MLKL: variants seen among roughly 807,000 people sequenced by gnomAD.
The protein encoded by MLKL is mixed lineage kinase domain-like protein.
In MLKL, 55 loss-of-function variants were observed where a neutral mutation model predicts 56.5. The observed-to-expected ratio is 0.97, with a 90% CI of 0.78 to 1.22. MLKL has a LOEUF of 1.22. MLKL is among the 50% of genes most tolerant of loss of function. The pLI, the probability that MLKL is intolerant of heterozygous loss-of-function variation, is 0.00. For missense variants in MLKL, 694 were observed against 573.9 expected (o/e 1.21, Z -2.14); for synonymous variants, 251 against 208.3 (o/e 1.20, Z -1.76).
intron 5 of MLKL, among the ~76,000 whole-genome samples, chr16:74,683,124 C>T (rs567963287): frequency 1.6e-4 from 25 of 152,188 alleles, no homozygotes; most frequent in African/African-American, 4.1e-4. Flanking sequence ...GCCTGGCCTA[C>T]GTGGTGAAAC....
chr16:74,697,811 T>C (rs1160484490), intron 1 of MLKL, among the ~76,000 whole-genome samples: 2 of 151,774 alleles, frequency 1.3e-5, no homozygotes, highest in Non-Finnish European at 1.5e-5. Flanking sequence ...AGAGAGACCC[T>C]GTCTCGAAAA....
In MLKL at chr16:74,697,863, T is replaced by C. The variant is rs182594496; in HGVS notation, c.-2-2104A>G. ...GTGAAGATGCTGCGGTTCAGGGAGG[T>C]TGCATTCAAATAATCACAAGGCCAT... On this transcript the variant is annotated intron_variant, in intron 1 of 10. Transcript: ENST00000308807. 2.0e-5 allele frequency among the ~76,000 whole-genome samples: 3 copies of C among 151,450 alleles called. No individual in the cohort carries two copies. In the East Asian group the frequency reaches 5.9e-4, roughly 30 times the overall value.
At chr16:74,691,832 G>C (rs1960699556) in intron 3 of MLKL, among the ~76,000 whole-genome samples, 1 of 152,142 alleles carries the variant, frequency 6.6e-6, no homozygotes, top group Admixed American at 6.6e-5. Flanking sequence ...AGTCATTTCA[G>C]ATCTAGTAGT....
chr16:74,699,221 C>T (rs1362793812), intron 1 of MLKL, among the ~76,000 whole-genome samples: 1 of 152,074 alleles, frequency 6.6e-6, no homozygotes, highest in Non-Finnish European at 1.5e-5. Flanking sequence ...AAGACTAAAA[C>T]AGACCAACCC....
chr16:74,680,595 C>T (rs1305285117), intron 6 of MLKL, among the ~76,000 whole-genome samples: 2 of 152,148 alleles, frequency 1.3e-5, no homozygotes, highest in African/African-American at 4.8e-5. Context: ...CAACCTCTGC[C>T]TCCCAGGTTC....
intron 10 of MLKL, among the ~76,000 whole-genome samples, chr16:74,673,952 TAA>T (rs5817923): frequency 0.13 from 13,084 of 104,668 alleles, 817 homozygotes; most frequent in Middle Eastern, 0.18. Flanking sequence ...ACCTCCTCTC[TAA>T]AAAAAAAAAA....
intron 4 of MLKL, 56 bp downstream of exon 4, chr16:74,691,221 T>C: frequency 2.0e-6 from 3 of 1,492,510 alleles, no homozygotes; most frequent in Non-Finnish European, 2.7e-6. Context: ...CCCTCTCTCC[T>C]TGGAGAGTTA....
chr16:74,675,441 G>C (rs776408208), intron 8 of MLKL, 37 bp from the exon 9 acceptor site: 30 of 1,606,908 alleles, frequency 1.9e-5, no homozygotes, highest in Non-Finnish European at 2.5e-5. Flanking sequence ...ACCATAACTA[G>C]TCTCCCCTTT....
At position 74,685,540 on chromosome 16, in the gene MLKL, T is replaced by C. The variant is rs1340332574; in HGVS notation, c.766A>G (p.Lys256Glu). Residue 256 changes from lysine to glutamate, a missense_variant, in exon 5 of 11, where the codon AAA (lysine) becomes GAA (glutamate). Coordinates refer to ENST00000308807, the MANE Select transcript of MLKL (RefSeq NM_152649.4). ...TFNKEIKTMK[K>E]FESPNILRIF... ...CGCAGGATGTTGGGAGATTCGAATT[T>C]CTTCATGGTTTTGATCTCCTTATTG... 6.2e-7 allele frequency: 1 copy of C among 1,614,148 alleles called. No individual in the cohort carries two copies. Among genetic ancestry groups the C allele is most frequent in the Admixed American group, 1.7e-5 (1 of 60,016 alleles).
chr16:74,692,321 G>T, intron 3 of MLKL, 21 bp downstream of exon 3: 1 of 1,606,374 alleles, frequency 6.2e-7, no homozygotes, highest in Non-Finnish European at 8.5e-7. Flanking sequence ...ATCAGAAACA[G>T]CAGGGCACAT....
rs556246168 is a variant in MLKL at position 74,675,506 on chromosome 16, C to G, written c.1191-102G>C. 9.5e-5 allele frequency: 149 copies of G among 1,565,834 alleles called. 1 individual carries two copies. The East Asian group carries it at 3.2e-3, about 34-fold the overall frequency. ...CTCAGTGAATTTTTTGATTACTACC[C>G]AATTTCATTCAACAGAGTTGAGTTT... On this transcript the variant is annotated intron_variant, in intron 8 of 10. Transcript: ENST00000308807.
At chr16:74,698,714 C>T (rs1406259152) in intron 1 of MLKL, among the ~76,000 whole-genome samples, 3 of 152,154 alleles carry the variant, frequency 2.0e-5, no homozygotes, top group Non-Finnish European at 4.4e-5. Flanking sequence ...CATCAGAAAG[C>T]CATATCTCAG....
chr16:74,697,903 A>C (rs1238849595), intron 1 of MLKL, among the ~76,000 whole-genome samples: 2 of 152,160 alleles, frequency 1.3e-5, no homozygotes, highest in African/African-American at 4.8e-5. Flanking sequence ...CCAGTTTTCA[A>C]AGTATTTAAA....
chr16:74,672,378 G>C lies in MLKL; in HGVS notation c.*126C>G. The C allele has an allele frequency of 3.7e-6, 3 of 807,428 alleles. No homozygotes were observed. The highest frequency in any genetic ancestry group is 6.2e-6 in the Non-Finnish European group (3 of 485,426). 50.0% of individuals were successfully genotyped at this position (807,428 alleles called of 1,614,324 possible). A position where few individuals can be genotyped will look rare whatever the true frequency, so the allele number is the denominator to read the frequency against. On this transcript the variant is annotated 3_prime_UTR_variant, in exon 11 of 11. Coordinates refer to ENST00000308807, the MANE Select transcript of MLKL (RefSeq NM_152649.4). ...CTGGAATCGTTTTCTATTTGTAACA[G>C]AGAAGCGTGCCCACTCCTTGCACCC...
chr16:74,678,873 A>G (rs762227748), intron 7 of MLKL, 26 bp downstream of exon 7: 2 of 1,602,472 alleles, frequency 1.2e-6, no homozygotes, highest in South Asian at 1.1e-5. Flanking sequence ...GGTTTGACCC[A>G]AAGCGCCCCC....
Position 74,672,548 on chromosome 16 carries a change from A to C in MLKL, c.1382-10T>G. On this transcript the variant is annotated splice_polypyrimidine_tract_variant and intron_variant, in intron 10 of 10. Coordinates refer to ENST00000308807, the MANE Select transcript of MLKL (RefSeq NM_152649.4). ...AGTTTCTTTAAGATTTCTGTGGATG[A>C]ATGAACAGAAAATTAGACCAGGGTA... 6.2e-7 allele frequency: 1 copy of C among 1,613,482 alleles called. No individual in the cohort carries two copies. The highest frequency in any genetic ancestry group is 8.5e-7 in the Non-Finnish European group (1 of 1,179,430).
intron 1 of MLKL, among the ~76,000 whole-genome samples, chr16:74,697,634 T>TCCAGA (rs10674054): frequency 0.64 from 97,034 of 151,082 alleles, 31,516 homozygotes; most frequent in African/African-American, 0.73. Flanking sequence ...GGCCAGGAGT[T>TCCAGA]CCATTCTGGG....
rs756077475 is a variant in MLKL, at chr16:74,695,649, C to A, written c.109G>T (p.Gly37Cys). 3.1e-6 allele frequency: 5 copies of A among 1,614,144 alleles called. No individual in the cohort carries two copies. The South Asian group carries it at 3.3e-5, about 11-fold the overall frequency. ...AGCATCTCCAGAGGCTTGATCAGGCCGAGGACGCGGTGGCCCAGGCGCCGG... is the reference window on the plus strand; with the variant it reads ...AGCATCTCCAGAGGCTTGATCAGGCAGAGGACGCGGTGGCCCAGGCGCCGG... The part of the protein sequence containing the change: ...QCRRLGHRVL[G>C]LIKPLEMLQD... The change falls in exon 2 of 11, where the codon GGC (glycine) becomes TGC (cysteine). Residue 37 changes from glycine (G) to cysteine (C), a missense_variant. By Grantham distance (159) the Gly-to-Cys change is radical. Coordinates refer to ENST00000308807, the MANE Select transcript of MLKL (RefSeq NM_152649.4).
At chr16:74,692,238 C>T in intron 3 of MLKL, 104 bp downstream of exon 3, 2 of 1,065,472 alleles carry the variant, frequency 1.9e-6, no homozygotes, top group South Asian at 1.4e-5. Context: ...CCATCCAGCA[C>T]AGAAAATGGA....
Sources: gnomAD v4.1 joint callset for allele counts (sites outside exome capture counted in the v4.1 genomes callset) on GRCh38, gnomAD v4.1.1 for gene constraint, MANE v1.5 for transcripts, NCBI Gene and HGNC (gene_info 2026-07-23, HGNC 2026-07-21) for gene names.